Variants in C17orf75 observed in about 807,000 individuals in gnomAD.
The protein encoded by C17orf75 is protein Njmu-R1.
A neutral mutation model predicts 49.6 loss-of-function variants in C17orf75; 32 were observed. The ratio of observed to expected loss-of-function variants is 0.65; its 90% confidence interval spans 0.49 to 0.87. The LOEUF (loss-of-function observed/expected upper bound fraction) is 0.87. Among genes scored for constraint, C17orf75 ranks in the 40% least tolerant of loss-of-function variants. The probability of loss-of-function intolerance (pLI) is 0.00; values close to 1 mark genes in which losing one functional copy is unlikely to be tolerated. For synonymous variants in C17orf75, 158 were observed against 159.5 expected (o/e 0.99, Z 0.07); for missense variants, 428 against 473.9 (o/e 0.90, Z 0.90).
chr17:32,330,584 A>T lies in C17orf75; in HGVS notation c.*1179T>A, dbSNP rs1044284284. The T allele has an allele frequency of 6.6e-6, 1 of 152,238 alleles. No homozygotes were observed. The highest frequency in any genetic ancestry group is 2.4e-5 in the African/African-American group (1 of 41,468). The allele number at this position is 152,238 out of a possible 1,614,324, so 9.4% of individuals were successfully genotyped here. A position where few individuals can be genotyped will look rare whatever the true frequency, so the allele number is the denominator to read the frequency against. On this transcript the variant is annotated 3_prime_UTR_variant, in exon 10 of 10. Transcript: ENST00000577809. ...TAAATGGCTAGCTGAGGGCACTTTC[A>T]ATTGATTCAGAGTAAAACAATCTGA... is the stretch of plus-strand genomic sequence containing the variant.
At chr17:32,337,616 C>T (rs978191111) in intron 5 of C17orf75, among the ~76,000 whole-genome samples, 1 of 151,900 alleles carries the variant, frequency 6.6e-6, no homozygotes, top group African/African-American at 2.4e-5. Context: ...CTCTGTCGCT[C>T]AGGCTGGAGT....
chr17:32,344,010 T>C (rs2041405489), upstream of C17orf75: 4 of 679,670 alleles, frequency 5.9e-6, no homozygotes, highest in Non-Finnish European at 1.1e-5. Context: ...GGTTTAATCC[T>C]GGCACAGAAC....
chr17:32,333,601 G>A (rs1401020256), intron 8 of C17orf75, 81 bp from the exon 9 acceptor site: 11 of 1,272,678 alleles, frequency 8.6e-6, no homozygotes, highest in African/African-American at 4.5e-5. Flanking sequence ...CGGGAGATTC[G>A]CTCTTGTTGC....
At position 32,329,112 on chromosome 17, in the gene C17orf75, G is replaced by T. The variant is rs2041255230; in HGVS notation, c.*2651C>A. 1 of 151,548 alleles carries T rather than the reference G, an allele frequency of 6.6e-6. No homozygotes were observed. The allele number at this position is 151,548 out of a possible 1,614,324, so 9.4% of individuals were successfully genotyped here. ...GACGGAGTCTCGCTCTGTCGCCCAG[G>T]CTTGAGTGCAGTGGTGTGATCTCGA... On this transcript the variant is annotated 3_prime_UTR_variant, in exon 10 of 10. Coordinates refer to ENST00000577809, the MANE Select transcript of C17orf75 (RefSeq NM_022344.4).
chr17:32,331,917 G>T lies in C17orf75; in HGVS notation c.1037C>A (p.Ala346Asp), dbSNP rs2041277278. The T allele has an allele frequency of 6.2e-6, 10 of 1,613,424 alleles. No individual in the cohort carries two copies. The highest frequency in any genetic ancestry group is 7.6e-6 in the Non-Finnish European group (9 of 1,179,606). The part of the protein sequence containing the change: ...FIRQAEMNHY[A>D]LFKCYMFLKN... ...TAGGAACATGTAACATTTAAACAAA[G>T]CATAATGATTCATTTCTGCCTGTCG... Residue 346 changes from alanine to aspartate, a missense_variant, in exon 10 of 10, where the codon GCT becomes GAT. Transcript: ENST00000577809.
intron 5 of C17orf75, 150 bp from the exon 6 acceptor site, chr17:32,335,592 G>A: frequency 3.1e-6 from 3 of 952,806 alleles, no homozygotes; most frequent in African/African-American, 1.7e-5. Context: ...AAAAGAAATT[G>A]TGATATACCT....
At chr17:32,333,995 A>G (rs576727832) in intron 8 of C17orf75, among the ~76,000 whole-genome samples, 4 of 152,320 alleles carry the variant, frequency 2.6e-5, no homozygotes, top group Admixed American at 2.6e-4. Context: ...AGCCTTATCT[A>G]CATTATTCTG....
intron 9 of C17orf75, among the ~76,000 whole-genome samples, chr17:32,332,785 CTAAA>C (rs974694915): frequency 3.3e-5 from 5 of 151,974 alleles, no homozygotes; most frequent in African/African-American, 1.2e-4. Flanking sequence ...ACAAACAAAA[CTAAA>C]TAAGGTGACA....
intron 6 of C17orf75, 29 bp from the exon 7 acceptor site, chr17:32,334,868 T>C: frequency 1.3e-6 from 2 of 1,566,686 alleles, no homozygotes; most frequent in Non-Finnish European, 1.7e-6. Context: ...GCCTGATTGG[T>C]ACATATATTC....
Position 32,341,122 on chromosome 17 carries a change from T to TA in C17orf75, c.221+81dup, listed in dbSNP as rs1385694013. 7.2e-6 allele frequency: 10 copies of TA among 1,383,206 alleles called. No homozygotes were observed. In the African/African-American group the frequency reaches 1.0e-4, roughly 14 times the overall value. The allele number at this position is 1,383,206 out of a possible 1,614,324, so 85.7% of individuals were successfully genotyped here. On this transcript the variant is annotated intron_variant, in intron 2 of 9. Transcript: ENST00000577809. Reference sequence around the variant, plus strand: ...TGACTCAGGGAAAGCTCAGTGGAAATAGAGTATCCACTGACATGTACAGGC... The same window carrying TA: ...TGACTCAGGGAAAGCTCAGTGGAAATAAGAGTATCCACTGACATGTACAGGC...
intron 1 of C17orf75, among the ~76,000 whole-genome samples, chr17:32,347,384 T>C (rs1387818343): frequency 6.6e-6 from 1 of 152,030 alleles, no homozygotes; most frequent in East Asian, 1.9e-4. Flanking sequence ...GTTCAAGTGA[T>C]TCTCCTGCCT....
rs931738292 is a variant in C17orf75 at position 32,330,933 on chromosome 17, T to G, written c.*830A>C. 5.3e-5 allele frequency: 8 copies of G among 152,034 alleles called. No individual in the cohort carries two copies. The highest frequency in any genetic ancestry group is 1.2e-4 in the Non-Finnish European group (8 of 68,028). The allele number at this position is 152,034 out of a possible 1,614,324, so 9.4% of individuals were successfully genotyped here. ...GGCGCGATCTCGGCTCACTGCAAGCTCCACCTCCTGGGTTCACGCCACTCT... is the reference window on the plus strand; with the variant it reads ...GGCGCGATCTCGGCTCACTGCAAGCGCCACCTCCTGGGTTCACGCCACTCT... On this transcript the variant is annotated 3_prime_UTR_variant, in exon 10 of 10. Coordinates refer to ENST00000577809, the MANE Select transcript of C17orf75 (RefSeq NM_022344.4).
rs752776532 is a variant in C17orf75 at position 32,334,528 on chromosome 17, T to C, written c.812A>G (p.Glu271Gly). Residue 271 changes from glutamate to glycine, a missense_variant, in exon 8 of 10, where the codon GAG becomes GGG. Physicochemically the swap from Glu to Gly is moderately conservative, Grantham distance 98. Transcript: ENST00000577809. ...MTSLCMAMTE[E>G]QHKSVVIDCS... is the part of the protein sequence containing the mutation. ...ATCGATGACCACAGACTTATGCTGCTCCTCTGTCATGGCCATGCACAAAGA... is the reference window on the plus strand; with the variant it reads ...ATCGATGACCACAGACTTATGCTGCCCCTCTGTCATGGCCATGCACAAAGA... 3 of 1,612,498 alleles carry C rather than the reference T, an allele frequency of 1.9e-6. No individual in the cohort carries two copies. The highest frequency in any genetic ancestry group is 2.2e-5 in the South Asian group (2 of 90,592).
Position 32,341,252 on chromosome 17 carries a change from C to T in C17orf75, c.173G>A (p.Gly58Glu). The T allele has an allele frequency of 6.2e-7, 1 of 1,613,982 alleles. No individual in the cohort carries two copies. Among genetic ancestry groups the T allele is most frequent in the Non-Finnish European group, 8.5e-7 (1 of 1,179,908 alleles). The change falls in exon 2 of 10, where the codon GGA becomes GAA. Residue 58 changes from glycine to glutamate, a missense_variant. By Grantham distance (98) the Gly-to-Glu change is moderately conservative. Transcript: ENST00000577809. ...TTCTGCATTTGTGCCACTTGGGCTT[C>T]CGTCCTCACTGTCCCCTCGTTGCTG... is the stretch of plus-strand genomic sequence containing the variant. Reference protein sequence around the residue: ...LAQQRGDSEDGSPSGTNAETP... With the variant: ...LAQQRGDSEDESPSGTNAETP...
rs1484461493 is a variant in C17orf75 at position 32,335,454 on chromosome 17, A to C, written c.550-12T>G. ...TCCAGGCCCCTTGCCTAAATCAAGA[A>C]AGAACATCATTTGCTTTAATATAAG... On this transcript the variant is annotated splice_polypyrimidine_tract_variant and intron_variant, in intron 5 of 9. Coordinates refer to ENST00000577809, the MANE Select transcript of C17orf75 (RefSeq NM_022344.4). 6.2e-7 allele frequency: 1 copy of C among 1,612,164 alleles called. No homozygotes were observed. The highest frequency in any genetic ancestry group is 8.5e-7 in the Non-Finnish European group (1 of 1,179,404).
exon 1 of C17orf75, chr17:32,349,978 T>A: frequency 1.6e-6 from 2 of 1,221,710 alleles, no homozygotes; most frequent in Non-Finnish European, 2.1e-6. Context: ...AAACCCAAAG[T>A]GCTCCGCAAG....
upstream of C17orf75, among the ~76,000 whole-genome samples, chr17:32,342,724 T>A (rs1283820276): frequency 6.6e-6 from 1 of 152,124 alleles, no homozygotes; most frequent in Non-Finnish European, 1.5e-5. Flanking sequence ...TCACTTGAGG[T>A]CAGAAGTTCA....
rs1319424632 is a variant in C17orf75, at chr17:32,331,630, A to AAAT, written c.*130_*132dup. 19 of 738,788 alleles carry AAAT rather than the reference A, an allele frequency of 2.6e-5. No homozygotes were observed. The highest frequency in any genetic ancestry group is 4.2e-5 in the Non-Finnish European group (19 of 456,576). The allele number at this position is 738,788 out of a possible 1,614,324, so 45.8% of individuals were successfully genotyped here. On this transcript the variant is annotated 3_prime_UTR_variant, in exon 10 of 10. Transcript: ENST00000577809. ...GATTTTTATTTAAGTTAAATTGGTA[A>AAAT]AATACAAAAAGAAAATCTGGATTGA...
At chr17:32,339,486 C>G (rs1226547465) in intron 3 of C17orf75, among the ~76,000 whole-genome samples, 1 of 151,126 alleles carries the variant, frequency 6.6e-6, no homozygotes, top group East Asian at 1.9e-4. Flanking sequence ...ACTTGGGAGG[C>G]TGAGGTGAGA....
Sources: gnomAD v4.1 joint callset for allele counts (sites outside exome capture counted in the v4.1 genomes callset) on GRCh38, gnomAD v4.1.1 for gene constraint, MANE v1.5 for transcripts, NCBI Gene and HGNC (gene_info 2026-07-23, HGNC 2026-07-21) for gene names.